The following OPCML variants were observed in gnomAD, a reference collection of about 807,000 sequenced individuals.
The protein encoded by OPCML is opioid-binding protein/cell adhesion molecule.
Under a neutral mutation model 37.8 loss-of-function variants are expected in OPCML, and 13 were observed. The observed-to-expected ratio is 0.34, with a 90% CI of 0.22 to 0.55. The LOEUF (loss-of-function observed/expected upper bound fraction) is 0.55, where lower values mean the gene tolerates loss of function less well. Ranked by LOEUF, OPCML falls within the 20% of genes least tolerant of loss-of-function variation. The pLI is 0.91. For synonymous variants in OPCML, 176 were observed against 168.8 expected, an observed-to-expected ratio of 1.04 and a Z score of -0.33; for missense variants, 341 against 435.6, an observed-to-expected ratio of 0.78 and a Z score of 1.93.
chr11:133,011,593 T>C (rs1264778948), intron 1 of OPCML, among the ~76,000 whole-genome samples: 1 of 132,280 alleles, frequency 7.6e-6, no homozygotes. Flanking sequence ...TGAACAGTGG[T>C]TTCTCTTTTT....
chr11:132,690,366 A>C (rs7119229), intron 2 of OPCML, among the ~76,000 whole-genome samples: 2,638 of 152,304 alleles, frequency 0.017, 69 homozygotes, highest in African/African-American at 0.06. Context: ...TAGAAAGTAC[A>C]TCTCTAACAA....
chr11:132,557,520 C>T (rs961241620), intron 3 of OPCML, among the ~76,000 whole-genome samples: 6 of 152,144 alleles, frequency 3.9e-5, no homozygotes, highest in African/African-American at 1.4e-4. Context: ...GTGGGCTGTC[C>T]AATGAAGGGC....
intron 4 of OPCML, among the ~76,000 whole-genome samples, chr11:132,524,572 A>G (rs2096303064): frequency 1.3e-5 from 2 of 152,244 alleles, no homozygotes; most frequent in African/African-American, 4.8e-5. Context: ...TTGCATAGAA[A>G]CAGCAAAACC....
intron 4 of OPCML, among the ~76,000 whole-genome samples, chr11:132,499,082 C>T (rs1188174873): frequency 6.6e-6 from 1 of 152,178 alleles, no homozygotes; most frequent in Non-Finnish European, 1.5e-5. Flanking sequence ...GAAATTCAGC[C>T]AGAAAGTAGA....
At chr11:132,562,717 C>T (rs1441076600) in intron 3 of OPCML, among the ~76,000 whole-genome samples, 1 of 151,894 alleles carries the variant, frequency 6.6e-6, no homozygotes, top group African/African-American at 2.4e-5. Context: ...TGGGTGGGTC[C>T]TGGCAGGAAG....
intron 1 of OPCML, among the ~76,000 whole-genome samples, chr11:133,441,870 T>C (rs1445364563): frequency 2.0e-5 from 3 of 152,172 alleles, no homozygotes; most frequent in Non-Finnish European, 4.4e-5. Context: ...TTTTAATTGT[T>C]AAAGAACTCA....
At chr11:132,679,324 A>G (rs966775602) in intron 2 of OPCML, among the ~76,000 whole-genome samples, 3 of 152,218 alleles carry the variant, frequency 2.0e-5, no homozygotes, top group Non-Finnish European at 4.4e-5. Flanking sequence ...TTCATTATAG[A>G]CAAAAAGGAA....
chr11:133,133,771 C>A (rs1035833624), intron 1 of OPCML, among the ~76,000 whole-genome samples: 2 of 152,278 alleles, frequency 1.3e-5, no homozygotes, highest in Admixed American at 6.5e-5. Context: ...CTTTCCCATC[C>A]ACGAGTTGCC....
chr11:133,008,405 C>T (rs1947153097), intron 1 of OPCML: 4 of 985,404 alleles, frequency 4.1e-6, no homozygotes, highest in Non-Finnish European at 4.8e-6. Context: ...AGATTGTGCT[C>T]AGGAGGTCCT....
intron 1 of OPCML, among the ~76,000 whole-genome samples, chr11:133,012,870 C>A (rs867333961): frequency 2.6e-3 from 293 of 112,916 alleles, no homozygotes; most frequent in Middle Eastern, 4.3e-3. Flanking sequence ...AACTCCATCT[C>A]AAAAAAAAAA....
intron 1 of OPCML, among the ~76,000 whole-genome samples, chr11:133,441,564 G>C (rs898552162): frequency 6.6e-6 from 1 of 152,092 alleles, no homozygotes; most frequent in African/African-American, 2.4e-5. Flanking sequence ...GGATTAGAGA[G>C]CTAAATATTT....
At chr11:132,908,027 C>G (rs893046396) in intron 2 of OPCML, among the ~76,000 whole-genome samples, 1 of 152,138 alleles carries the variant, frequency 6.6e-6, no homozygotes, top group Non-Finnish European at 1.5e-5. Context: ...GGTAATTTTG[C>G]TCCCTGAAAT....
In OPCML at chr11:133,205,653, C is replaced by T. The variant is rs2136328893; in HGVS notation, c.62-262643G>A. Among the ~76,000 whole-genome samples, 1 of 152,310 alleles carries T rather than the reference C, an allele frequency of 6.6e-6. No homozygotes were observed. Among genetic ancestry groups the T allele is most frequent in the East Asian group, 1.9e-4 (1 of 5,174 alleles). On this transcript the variant is annotated intron_variant, in intron 1 of 7. Transcript: ENST00000524381. This position sits in a 1 kb window ranked among gnomAD's most constrained non-coding sequence, Gnocchi z 4.8. ...GTGTGGGGAAAAATTTCTCACTCAT[C>T]TGATGTCAGAAGTGTTGCGTTGCGT...
chr11:133,452,740 T>C (rs911885957), intron 1 of OPCML, among the ~76,000 whole-genome samples: 1 of 151,680 alleles, frequency 6.6e-6, no homozygotes, highest in African/African-American at 2.4e-5. Flanking sequence ...GAGTGAGACA[T>C]TTAACCACAG....
At chr11:132,553,030 C>T (rs747042299) in intron 3 of OPCML, among the ~76,000 whole-genome samples, 3 of 152,134 alleles carry the variant, frequency 2.0e-5, no homozygotes, top group Non-Finnish European at 4.4e-5. Context: ...TCCCAAAGTG[C>T]TGGGATTACA....
chr11:132,517,554 C>G lies in OPCML; in HGVS notation c.505+11507G>C, dbSNP rs548405242. On this transcript the variant is annotated intron_variant, in intron 4 of 7. Transcript: ENST00000524381. ...GAAGCCCACATTTTTTGTTCAGCAGCAAGAGTCACTGTGGACCCACTGCTG... is the reference window on the plus strand; with the variant it reads ...GAAGCCCACATTTTTTGTTCAGCAGGAAGAGTCACTGTGGACCCACTGCTG... 9.1e-4 allele frequency among the ~76,000 whole-genome samples: 138 copies of G among 152,308 alleles called. 3 individuals carry two copies. In the South Asian group the frequency reaches 0.028, roughly 31 times the overall value.
rs1939377980 is a variant in OPCML, at chr11:133,211,943, T to C, written c.62-268933A>G. 6.6e-6 allele frequency among the ~76,000 whole-genome samples: 1 copy of C among 152,178 alleles called. No individual in the cohort carries two copies. The highest frequency in any genetic ancestry group is 1.5e-5 in the Non-Finnish European group (1 of 68,032). ...GCAGTACAAATACCATAAGTTAGTG[T>C]ATATACTCAAACAAAGCCATGAACG... On this transcript the variant is annotated intron_variant, in intron 1 of 7. Coordinates refer to ENST00000524381, the MANE Select transcript of OPCML (RefSeq NM_001012393.5). This position sits in a 1 kb window ranked among gnomAD's most constrained non-coding sequence, Gnocchi z 4.1.
chr11:132,913,742 T>C (rs538757570), intron 2 of OPCML, among the ~76,000 whole-genome samples: 26 of 152,086 alleles, frequency 1.7e-4, no homozygotes, highest in Non-Finnish European at 2.1e-4. Context: ...GACCCACAAC[T>C]CCAAGAGGGA....
At chr11:132,837,083 G>C (rs1941050284) in intron 2 of OPCML, among the ~76,000 whole-genome samples, 1 of 152,162 alleles carries the variant, frequency 6.6e-6, no homozygotes, top group South Asian at 2.1e-4. Context: ...GAAAGGCCAA[G>C]TCGGGTGGAT....
Sources: gnomAD v4.1 joint callset for allele counts (sites outside exome capture counted in the v4.1 genomes callset) on GRCh38, gnomAD v4.1.1 for gene constraint, Gnocchi (gnomAD v3.1) non-coding constraint, MANE v1.5 for transcripts, NCBI Gene and HGNC (gene_info 2026-07-23, HGNC 2026-07-21) for gene names.